Variants in CD72 observed in about 807,000 individuals in gnomAD.
CD72 encodes B-cell differentiation antigen CD72.
CD72 carries 28 observed loss-of-function variants against 50.7 expected under a neutral mutation model. That is an observed-to-expected ratio of 0.55 (90% confidence interval 0.41 to 0.76). The LOEUF (loss-of-function observed/expected upper bound fraction) is 0.76, where lower values mean the gene tolerates loss of function less well. CD72 is among the 30% of genes least tolerant of loss of function. The pLI is 0.00. For synonymous variants in CD72, 176 were observed against 171.2 expected (o/e 1.03, Z -0.22); for missense variants, 403 against 420.6 (o/e 0.96, Z 0.37).
chr9:35,616,250 C>G lies in CD72; in HGVS notation c.381G>C (p.Gln127His). The G allele has an allele frequency of 6.2e-7, 1 of 1,613,894 alleles. No homozygotes were observed. The highest frequency in any genetic ancestry group is 1.3e-5 in the African/African-American group (1 of 75,058). The stretch of plus-strand genomic sequence containing the variant: ...TAGTGACTTCCAGAACCCTGTTCGT[C>G]TGCTGGAGCTGCTGAGACACCTGCA... ...RYLQVSQQLQ[Q>H]TNRVLEVTNS... Residue 127 changes from glutamine to histidine, a missense_variant, in exon 5 of 9, where the codon CAG (glutamine) becomes CAC (histidine). Physicochemically the swap from Gln to His is conservative, Grantham distance 24. Transcript: ENST00000259633.
chr9:35,641,792 G>A (rs1164958459), intron 1 of CD72, among the ~76,000 whole-genome samples: 1 of 151,936 alleles, frequency 6.6e-6, no homozygotes, highest in East Asian at 1.9e-4. Flanking sequence ...CCTTTGTGGT[G>A]ACCCCGGCAG....
At chr9:35,611,597 G>T (rs1203516481) in intron 7 of CD72, among the ~76,000 whole-genome samples, 2 of 152,166 alleles carry the variant, frequency 1.3e-5, no homozygotes, top group Admixed American at 6.5e-5. Context: ...AAAAGTATGT[G>T]CCAGGGACTT....
chr9:35,610,805 C>T (rs1286223847), intron 7 of CD72, 52 bp from the exon 8 acceptor site: 1 of 1,424,474 alleles, frequency 7.0e-7, no homozygotes. Context: ...ATCCCACCCT[C>T]CCTTCTCTCC....
At chr9:35,630,844 G>A (rs895404993) in intron 1 of CD72, among the ~76,000 whole-genome samples, 1 of 152,100 alleles carries the variant, frequency 6.6e-6, no homozygotes, top group African/African-American at 2.4e-5. Context: ...CAGGTGGATC[G>A]CTTAAGCCCA....
In CD72 at chr9:35,629,047, T is replaced by A. The variant is rs541606007; in HGVS notation, n.409-10926A>T. On this transcript the variant is annotated intron_variant and non_coding_transcript_variant, in intron 1 of 3. Transcript: ENST00000465754. ...GCACCACAATGCCTGGCTAATTAAA[T>A]TTTTTTTTTTTAAGAGATGGGGGTC... 2.0e-5 allele frequency among the ~76,000 whole-genome samples: 3 copies of A among 146,892 alleles called. No homozygotes were observed. The East Asian group carries it at 6.0e-4, about 29-fold the overall frequency.
intron 1 of CD72, among the ~76,000 whole-genome samples, chr9:35,631,781 T>A (rs946994508): frequency 6.6e-5 from 10 of 152,100 alleles, no homozygotes; most frequent in African/African-American, 2.2e-4. Context: ...TCCCAGCTAC[T>A]CGGGAGGCTG....
chr9:35,618,024 C>T lies in CD72; in HGVS notation c.180G>A (p.Gly60=), dbSNP rs748389891. The change falls in exon 2 of 9, where the codon GGG becomes GGA. Residue 60 remains glycine, a synonymous_variant. Coordinates refer to ENST00000259633, the MANE Select transcript of CD72 (RefSeq NM_001782.3). ...CCAGGCTCTCCAGACCTGCTTTGTC[C>T]CCTAGTACAGAAGAAGCCAAGCTTG... ...VPSSLASSVL[G]DKAAVKSEQP... The T allele has an allele frequency of 6.2e-7, 1 of 1,606,724 alleles. No individual in the cohort carries two copies. Among genetic ancestry groups the T allele is most frequent in the Non-Finnish European group, 8.5e-7 (1 of 1,173,216 alleles).
At position 35,616,673 on chromosome 9, in the gene CD72, C is replaced by T. The variant is rs755906632; in HGVS notation, c.279G>A (p.Leu93=). 1 of 1,613,712 alleles carries T rather than the reference C, an allele frequency of 6.2e-7. No homozygotes were observed. Among genetic ancestry groups the T allele is most frequent in the Non-Finnish European group, 8.5e-7 (1 of 1,179,990 alleles). ...GGAGCAGGCCGAGCAGGAGGTATCGCAGGCAGGTTGTGCGGCCTTAGGGGG... is the reference window on the plus strand; with the variant it reads ...GGAGCAGGCCGAGCAGGAGGTATCGTAGGCAGGTTGTGCGGCCTTAGGGGG... ...GRILPCRTTC[L]RYLLLGLLLT... Residue 93 remains leucine, a synonymous_variant, in exon 4 of 9, where the codon CTG becomes CTA. Coordinates refer to ENST00000259633, the MANE Select transcript of CD72 (RefSeq NM_001782.3).
intron 2 of CD72, among the ~76,000 whole-genome samples, chr9:35,617,501 A>G (rs1382574262): frequency 6.6e-6 from 1 of 151,744 alleles, no homozygotes; most frequent in Non-Finnish European, 1.5e-5. Flanking sequence ...TCGTTTCCTC[A>G]GAGGCCCCTT....
chr9:35,614,017 T>C (rs1415428001), intron 5 of CD72, among the ~76,000 whole-genome samples: 2 of 134,706 alleles, frequency 1.5e-5, no homozygotes, highest in African/African-American at 2.8e-5. Flanking sequence ...AGACTCCGCC[T>C]CAAAAAAAAA....
intron 4 of CD72, 160 bp downstream of exon 4, chr9:35,616,440 G>A (rs1823065413): frequency 2.4e-6 from 2 of 827,958 alleles, no homozygotes; most frequent in African/African-American, 3.4e-5. Flanking sequence ...GATTAGGTGA[G>A]GACAATTCAG....
Position 35,630,132 on chromosome 9 carries a change from G to A in CD72, n.409-12011C>T, listed in dbSNP as rs563975957. Among the ~76,000 whole-genome samples, 7 of 146,662 alleles carry A rather than the reference G, an allele frequency of 4.8e-5. No homozygotes were observed. In the East Asian group the frequency reaches 6.1e-4, roughly 13 times the overall value. On this transcript the variant is annotated intron_variant and non_coding_transcript_variant, in intron 1 of 3. Coordinates refer to the CD72 transcript ENST00000465754. Reference sequence around the variant, plus strand: ...CAGCTCACTGCAACCTCCACCTCCCGGGTTCAAGCTATTCTCCTGCCTCAG... The same window carrying A: ...CAGCTCACTGCAACCTCCACCTCCCAGGTTCAAGCTATTCTCCTGCCTCAG...
chr9:35,622,826 G>A (rs922751964), upstream of CD72, among the ~76,000 whole-genome samples: 1 of 151,732 alleles, frequency 6.6e-6, no homozygotes, highest in African/African-American at 2.4e-5. Flanking sequence ...TAACAGCAAA[G>A]TCAGGCACAA....
intron 1 of CD72, among the ~76,000 whole-genome samples, chr9:35,640,706 G>A (rs963901950): frequency 1.1e-4 from 17 of 152,194 alleles, no homozygotes; most frequent in African/African-American, 3.1e-4. Flanking sequence ...AGTGGTGGAC[G>A]GGGAGCGAAA....
intron 5 of CD72, 44 bp downstream of exon 5, chr9:35,615,899 C>G (rs869487): frequency 0.21 from 320,681 of 1,502,618 alleles, 35,677 homozygotes; most frequent in East Asian, 0.39. Flanking sequence ...TATCTCCTTG[C>G]TCCAATCCAT....
At chr9:35,620,803 G>T (rs1304583172), upstream of CD72, among the ~76,000 whole-genome samples, 1 of 152,106 alleles carries the variant, frequency 6.6e-6, no homozygotes, top group African/African-American at 2.4e-5. Flanking sequence ...CACAGAGTGA[G>T]ACTCTGTCTC....
intron 1 of CD72, among the ~76,000 whole-genome samples, chr9:35,641,574 G>A (rs994897833): frequency 6.6e-5 from 10 of 152,096 alleles, no homozygotes; most frequent in South Asian, 2.1e-4. Context: ...TTCCTTCTTC[G>A]GTGGCTAGCC....
rs769122126 is a variant in CD72, at chr9:35,610,712, G to C, written c.992C>G (p.Thr331Ser). The stretch of plus-strand genomic sequence containing the variant: ...TGACTCCAGTGTCCACCATGACCAA[G>C]TTTTATGTACCTTGTTACATTTTGA... ...QSSKCNKVHK[T>S]WSWWTLESES... The change falls in exon 8 of 9, where the codon ACT (threonine) becomes AGT (serine). Residue 331 changes from threonine (T) to serine (S), a missense_variant. Physicochemically the swap from Thr to Ser is moderately conservative, Grantham distance 58 (BLOSUM62 1). Coordinates refer to ENST00000259633, the MANE Select transcript of CD72 (RefSeq NM_001782.3). 5.0e-6 allele frequency: 8 copies of C among 1,612,396 alleles called. No homozygotes were observed. Among genetic ancestry groups the C allele is most frequent in the South Asian group, 2.2e-5 (2 of 91,064 alleles).
At chr9:35,621,022 G>A (rs1823143254), upstream of CD72, among the ~76,000 whole-genome samples, 1 of 152,162 alleles carries the variant, frequency 6.6e-6, no homozygotes, top group African/African-American at 2.4e-5. Flanking sequence ...AAGAGAGTAG[G>A]ATCCTTCCCC....
Sources: gnomAD v4.1 joint callset for allele counts (sites outside exome capture counted in the v4.1 genomes callset) on GRCh38, gnomAD v4.1.1 for gene constraint, MANE v1.5 for transcripts, NCBI Gene and HGNC (gene_info 2026-07-23, HGNC 2026-07-21) for gene names.